Variants in OTOP3 observed in about 807,000 individuals in gnomAD.
OTOP3 encodes proton channel OTOP3.
A neutral mutation model predicts 50.8 loss-of-function variants in OTOP3; 41 were observed. The ratio of observed to expected loss-of-function variants is 0.81; its 90% CI spans 0.63 to 1.05. The LOEUF (loss-of-function observed/expected upper bound fraction) is 1.05, where lower values mean the gene tolerates loss of function less well. Among genes scored for constraint, OTOP3 ranks in the 50% least tolerant of loss-of-function variants. The probability of loss-of-function intolerance (pLI) is 0.00; values close to 1 mark genes in which losing one functional copy is unlikely to be tolerated. For synonymous variants in OTOP3, 320 were observed against 324.4 expected, an observed-to-expected ratio of 0.99 and a Z score of 0.14; for missense variants, 788 against 760.8, an observed-to-expected ratio of 1.04 and a Z score of -0.42.
chr17:74,945,312 C>T (rs1483842484), intron 5 of OTOP3, among the ~76,000 whole-genome samples: 4 of 152,202 alleles, frequency 2.6e-5, no homozygotes, highest in Non-Finnish European at 4.4e-5. Context: ...AATGCTATTA[C>T]AATTGTTAAC....
chr17:74,941,931 T>C lies in OTOP3; in HGVS notation c.467T>C (p.Phe156Ser), dbSNP rs752214779. 2 of 1,612,110 alleles carry C rather than the reference T, an allele frequency of 1.2e-6. No individual in the cohort carries two copies. The highest frequency in any genetic ancestry group is 2.2e-5 in the South Asian group (2 of 90,930). ...GSLVLFGSCT[F>S]CLNIFRVGYD... The stretch of plus-strand genomic sequence containing the variant: ...CTAGTGCTCTTCGGCAGCTGCACCT[T>C]CTGCCTCAACATCTTCCGAGTGGGC... Residue 156 changes from phenylalanine (F) to serine (S), a missense_variant, in exon 3 of 7, where the codon TTC becomes TCC. Phe to Ser is a radical substitution (Grantham distance 155). Coordinates refer to ENST00000328801, the MANE Select transcript of OTOP3 (RefSeq NM_001272005.2).
chr17:74,940,971 C>T (rs1295750084), intron 1 of OTOP3, among the ~76,000 whole-genome samples: 1 of 152,156 alleles, frequency 6.6e-6, no homozygotes, highest in Non-Finnish European at 1.5e-5. Flanking sequence ...AGAAAGGCCA[C>T]CAATTTGCCC....
At position 74,949,903 on chromosome 17, in the gene OTOP3, C is replaced by A. The variant is rs1434467879; in HGVS notation, c.*487C>A. 2 of 154,978 alleles carry A rather than the reference C, an allele frequency of 1.3e-5. No individual in the cohort carries two copies. The highest frequency in any genetic ancestry group is 4.8e-5 in the African/African-American group (2 of 41,546). 9.6% of individuals were successfully genotyped at this position (154,978 alleles called of 1,614,324 possible). ...GGAGGCCAGCTCCTCTCCCCACACA[C>A]CTGTCTCCTAATGAGCTCATTCATT... On this transcript the variant is annotated 3_prime_UTR_variant, in exon 7 of 7. Coordinates refer to ENST00000328801, the MANE Select transcript of OTOP3 (RefSeq NM_001272005.2).
At chr17:74,936,419 T>A (rs1322773846) in intron 1 of OTOP3, among the ~76,000 whole-genome samples, 1 of 152,088 alleles carries the variant, frequency 6.6e-6, no homozygotes, top group Non-Finnish European at 1.5e-5. Flanking sequence ...GCGGCTTTCA[T>A]CGCCAATCCA....
At chr17:74,949,219 C>T in intron 6 of OTOP3, 27 bp from the exon 7 acceptor site, 1 of 1,609,394 alleles carries the variant, frequency 6.2e-7, no homozygotes, top group Non-Finnish European at 8.5e-7. Context: ...AGAGCCCTTC[C>T]CTAACTCAGC....
Position 74,941,599 on chromosome 17 carries a change from C to T in OTOP3, c.226C>T (p.Leu76=). The T allele has an allele frequency of 6.2e-7, 1 of 1,613,298 alleles. No homozygotes were observed. Among genetic ancestry groups the T allele is most frequent in the Non-Finnish European group, 8.5e-7 (1 of 1,179,464 alleles). ...QKAGQLFSGL[L]ALNVVFLGGA... Reference sequence around the variant, plus strand: ...GGCTGGACAACTCTTCTCGGGGCTCCTGGCCCTGAATGTGGTGTTCCTGGG... The same window carrying T: ...GGCTGGACAACTCTTCTCGGGGCTCTTGGCCCTGAATGTGGTGTTCCTGGG... The change falls in exon 2 of 7, where the codon CTG becomes TTG. Residue 76 remains leucine, a synonymous_variant. Transcript: ENST00000328801.
chr17:74,936,847 T>C (rs1202952249), intron 1 of OTOP3, among the ~76,000 whole-genome samples: 1 of 151,946 alleles, frequency 6.6e-6, no homozygotes, highest in Non-Finnish European at 1.5e-5. Context: ...TAGCCAACAC[T>C]GAGTTTTCCA....
chr17:74,936,961 C>CCTTTTT (rs1555629576), intron 1 of OTOP3, among the ~76,000 whole-genome samples: 5 of 101,306 alleles, frequency 4.9e-5, no homozygotes, highest in Admixed American at 1.2e-4. Flanking sequence ...CCCCCCCACC[C>CCTTTTT]TTTTTTTTTT....
At chr17:74,938,825 A>T (rs2039143566) in intron 1 of OTOP3, among the ~76,000 whole-genome samples, 1 of 152,044 alleles carries the variant, frequency 6.6e-6, no homozygotes, top group Admixed American at 6.6e-5. Context: ...CAAGAAGACC[A>T]GTCCAAGAGA....
chr17:74,949,768 C>T lies in OTOP3; in HGVS notation c.*352C>T, dbSNP rs758821977. Reference sequence around the variant, plus strand: ...ACATGACCGAGTCTGGGGAGCTTGGCGAGGGGCACCCCTCTCCAGCCAGGA... The same window carrying T: ...ACATGACCGAGTCTGGGGAGCTTGGTGAGGGGCACCCCTCTCCAGCCAGGA... On this transcript the variant is annotated 3_prime_UTR_variant, in exon 7 of 7. Coordinates refer to ENST00000328801, the MANE Select transcript of OTOP3 (RefSeq NM_001272005.2). 6 of 197,788 alleles carry T rather than the reference C, an allele frequency of 3.0e-5. No individual in the cohort carries two copies. Among genetic ancestry groups the T allele is most frequent in the South Asian group, 3.0e-4 (2 of 6,616 alleles). 12.3% of individuals were successfully genotyped at this position (197,788 alleles called of 1,614,324 possible).
At chr17:74,948,533 A>G (rs897094324) in intron 6 of OTOP3, among the ~76,000 whole-genome samples, 6 of 151,992 alleles carry the variant, frequency 3.9e-5, no homozygotes, top group Non-Finnish European at 8.8e-5. Context: ...GGTGGTGCAC[A>G]CCTGTAATTC....
chr17:74,941,526 GGT>G lies in OTOP3; in HGVS notation c.155_156del (p.Val52GlufsTer50). 1 of 1,613,868 alleles carries G rather than the reference GGT, an allele frequency of 6.2e-7. No individual in the cohort carries two copies. The highest frequency in any genetic ancestry group is 2.2e-5 in the East Asian group (1 of 44,878). ...CCCGGCCCCGGCAGAAGTCCTGGCTGGTGAGGCATTTCTCTCTGCTGCTGCGG... is the reference window on the plus strand; with the variant it reads ...CCCGGCCCCGGCAGAAGTCCTGGCTGGAGGCATTTCTCTCTGCTGCTGCGG... ...ATRPRQKSWL[V>X]RHFSLLLRRD... On this transcript the variant is annotated frameshift_variant, in exon 2 of 7. Coordinates refer to ENST00000328801, the MANE Select transcript of OTOP3 (RefSeq NM_001272005.2). LOFTEE classifies it high-confidence loss of function.
At chr17:74,938,031 G>A (rs375598842) in intron 1 of OTOP3, among the ~76,000 whole-genome samples, 4 of 152,178 alleles carry the variant, frequency 2.6e-5, no homozygotes, top group East Asian at 3.9e-4. Context: ...GGTTGGTGTG[G>A]GAGGCAGGTG....
rs1357257634 is a variant in OTOP3, at chr17:74,941,947, CCGAGTGGGCTA to C, written c.487_497del (p.Val163CysfsTer45). ...GCTGCACCTTCTGCCTCAACATCTT[CCGAGTGGGCTA>C]CGATGTGAGCCACATCCGCTGCAAG... is the stretch of plus-strand genomic sequence containing the variant. On this transcript the variant is annotated frameshift_variant, in exon 3 of 7. Transcript: ENST00000328801. LOFTEE classifies it high-confidence loss of function. 3.7e-6 allele frequency: 6 copies of C among 1,613,164 alleles called. No homozygotes were observed. The African/African-American group carries it at 6.7e-5, about 18-fold the overall frequency.
Position 74,947,302 on chromosome 17 carries a change from G to A in OTOP3, c.1393G>A (p.Glu465Lys), listed in dbSNP as rs751871597. 1.8e-5 allele frequency: 29 copies of A among 1,613,322 alleles called. No individual in the cohort carries two copies. The highest frequency in any genetic ancestry group is 2.7e-5 in the African/African-American group (2 of 74,930). ...GCGCCCACTCTGGGAGACAGTTCCC[G>A]AGGGCCTGGCAGGAAAGCAGGAGGC... is the stretch of plus-strand genomic sequence containing the variant. ...HRRPLWETVP[E>K]GLAGKQEAEP... is the part of the protein sequence containing the mutation. Residue 465 changes from glutamate (E) to lysine (K), a missense_variant, in exon 6 of 7, where the codon GAG becomes AAG. Transcript: ENST00000328801.
chr17:74,949,447 G>A lies in OTOP3; in HGVS notation c.*31G>A. ...CCCACCCCCGGCAGAACCTCGAAGT[G>A]CCAAGGTGGGGAAGATGGTAGCCCA... On this transcript the variant is annotated 3_prime_UTR_variant, in exon 7 of 7. Coordinates refer to ENST00000328801, the MANE Select transcript of OTOP3 (RefSeq NM_001272005.2). 1 of 1,606,522 alleles carries A rather than the reference G, an allele frequency of 6.2e-7. No individual in the cohort carries two copies. The highest frequency in any genetic ancestry group is 8.5e-7 in the Non-Finnish European group (1 of 1,176,644).
intron 3 of OTOP3, 75 bp downstream of exon 3, chr17:74,942,112 A>G (rs758483113): frequency 2.4e-4 from 368 of 1,506,782 alleles, no homozygotes; most frequent in Non-Finnish European, 3.2e-4. Context: ...ACCTCCCACT[A>G]CCTATGCCTA....
rs927990805 is a variant in OTOP3, at chr17:74,941,625, T to C, written c.252T>C (p.Gly84=). 1.9e-6 allele frequency: 3 copies of C among 1,613,830 alleles called. No individual in the cohort carries two copies. The highest frequency in any genetic ancestry group is 2.7e-5 in the African/African-American group (2 of 74,918). ...GLLALNVVFL[G]GAFICSMIFN... is the part of the protein sequence containing the mutation. ...TGGCCCTGAATGTGGTGTTCCTGGG[T>C]GGCGCCTTCATCTGCAGCATGATCT... The change falls in exon 2 of 7, where the codon GGT becomes GGC. Residue 84 remains glycine (G), a synonymous_variant. Coordinates refer to ENST00000328801, the MANE Select transcript of OTOP3 (RefSeq NM_001272005.2).
At position 74,943,781 on chromosome 17, in the gene OTOP3, CA is replaced by C. The variant is rs2144785034; in HGVS notation, c.751+58del. 2.4e-6 allele frequency: 3 copies of C among 1,260,120 alleles called. No individual in the cohort carries two copies. In the East Asian group the frequency reaches 7.0e-5, roughly 29 times the overall value. 78.1% of individuals were successfully genotyped at this position (1,260,120 alleles called of 1,614,324 possible). ...TGAAACACACACACACACACACACA[CA>C]CACACACACACATAAACGCTACACT... On this transcript the variant is annotated intron_variant, in intron 5 of 6. Transcript: ENST00000328801.
Sources: allele counts gnomAD v4.1 joint callset (sites outside exome capture counted in the v4.1 genomes callset), GRCh38; gene constraint gnomAD v4.1.1; transcripts MANE v1.5; gene names NCBI Gene and HGNC (gene_info 2026-07-23, HGNC 2026-07-21).